DOCK8: variants seen among roughly 807,000 people sequenced by gnomAD.
DOCK8 encodes dedicator of cytokinesis 8.
Under a neutral mutation model 245.6 loss-of-function variants are expected in DOCK8, and 141 were observed. That is an observed-to-expected ratio of 0.57 (90% CI 0.50 to 0.66). DOCK8 has a LOEUF of 0.66. Among genes scored for constraint, DOCK8 ranks in the 30% least tolerant of loss-of-function variants. The pLI, the probability that DOCK8 is intolerant of heterozygous loss-of-function variation, is 0.00. For missense variants in DOCK8, 2,965 were observed against 2,603.4 expected (o/e 1.14, Z -3.02); for synonymous variants, 1,168 against 970.2 (o/e 1.20, Z -3.79).
At chr9:424,394 CTTTTCTTTTCTTTTTT>C (rs998286667) in intron 33 of DOCK8, among the ~76,000 whole-genome samples, 13 of 151,808 alleles carry the variant, frequency 8.6e-5, no homozygotes, top group Non-Finnish European at 1.3e-4. Flanking sequence ...AGATGGTAAG[CTTTTCTTTTCTTTTTT>C]TTTTCTTTTC....
chr9:305,957 T>G (rs1586654846), intron 5 of DOCK8, among the ~76,000 whole-genome samples: 1 of 152,100 alleles, frequency 6.6e-6, no homozygotes, highest in East Asian at 1.9e-4. Context: ...AGTTATTGTT[T>G]AATGGGTAGA....
intron 4 of DOCK8, among the ~76,000 whole-genome samples, chr9:294,306 A>G (rs2049166969): frequency 6.6e-6 from 1 of 152,240 alleles, no homozygotes; most frequent in Non-Finnish European, 1.5e-5. Context: ...GAGGGTAGAA[A>G]TGAAGCCAGT....
At chr9:251,063 G>A (rs765526493) in intron 1 of DOCK8, among the ~76,000 whole-genome samples, 7 of 152,220 alleles carry the variant, frequency 4.6e-5, no homozygotes, top group Non-Finnish European at 7.3e-5. Flanking sequence ...GACAGGGATT[G>A]TCCAGGTAAT....
At position 317,065 on chromosome 9, in the gene DOCK8, C is replaced by G. The variant is rs2130746973; in HGVS notation, c.764C>G (p.Pro255Arg). Reference protein sequence around the residue: ...VDEEDAVEIRPVPECPKEHLG... With the variant: ...VDEEDAVEIRRVPECPKEHLG... ...TAGGAGGATGCTGTGGAAATACGTC[C>G]AGTACCAGAATGTCCCAAGGAACAC... Residue 255 changes from proline (P) to arginine (R), a missense_variant, in exon 7 of 48, where the codon CCA (proline) becomes CGA (arginine). By Grantham distance (103) the Pro-to-Arg change is moderately radical (BLOSUM62 -2). This residue lies in a region of DOCK8 where 2,825 missense variants were observed against 2,453.5 expected (regional missense o/e 1.15). Coordinates refer to ENST00000432829, the MANE Select transcript of DOCK8 (RefSeq NM_203447.4). 6 of 1,613,840 alleles carry G rather than the reference C, an allele frequency of 3.7e-6. No homozygotes were observed. The East Asian group carries it at 1.3e-4, about 36-fold the overall frequency.
At chr9:234,141 C>G (rs564526431) in intron 1 of DOCK8, among the ~76,000 whole-genome samples, 1 of 152,276 alleles carries the variant, frequency 6.6e-6, no homozygotes, top group African/African-American at 2.4e-5. Context: ...GACTTTATTT[C>G]TCCTTCACTT....
chr9:304,174 G>A (rs1162369770), intron 4 of DOCK8, among the ~76,000 whole-genome samples: 3 of 152,150 alleles, frequency 2.0e-5, no homozygotes, highest in African/African-American at 7.2e-5. Context: ...GAACATTGAT[G>A]TGAAGATTAA....
chr9:246,162 T>C (rs1485426796), intron 1 of DOCK8, among the ~76,000 whole-genome samples: 2 of 151,514 alleles, frequency 1.3e-5, no homozygotes, highest in African/African-American at 4.9e-5. Context: ...GAGCTTGCAG[T>C]GACCTGAGAC....
chr9:268,852 T>G (rs1027658533), intron 1 of DOCK8, among the ~76,000 whole-genome samples: 1 of 152,206 alleles, frequency 6.6e-6, no homozygotes, highest in Non-Finnish European at 1.5e-5. Context: ...AGACACATTG[T>G]TGCTCATGCA....
upstream of DOCK8, chr9:213,327 C>T (rs1305684528): frequency 6.6e-6 from 1 of 151,980 alleles, no homozygotes; most frequent in Non-Finnish European, 1.5e-5. Context: ...TGAATATAGT[C>T]CTTAGGTGGA....
intron 44 of DOCK8, among the ~76,000 whole-genome samples, chr9:447,242 A>C (rs1423287855): frequency 6.6e-6 from 1 of 152,222 alleles, no homozygotes; most frequent in East Asian, 1.9e-4. Context: ...CAAACCACAG[A>C]ATTGTTCAAA....
chr9:316,579 T>C (rs988079609), intron 6 of DOCK8, among the ~76,000 whole-genome samples: 2 of 152,324 alleles, frequency 1.3e-5, no homozygotes, highest in Middle Eastern at 3.4e-3. Context: ...CTCTGTATTA[T>C]AGGATCAATG....
At chr9:361,649 G>T (rs1248750025) in intron 14 of DOCK8, among the ~76,000 whole-genome samples, 2 of 152,162 alleles carry the variant, frequency 1.3e-5, no homozygotes, top group East Asian at 1.9e-4. Context: ...TAAATTACAG[G>T]TGCTACTAAG....
chr9:402,135 C>T (rs546749542), intron 26 of DOCK8, among the ~76,000 whole-genome samples: 5 of 152,386 alleles, frequency 3.3e-5, no homozygotes, highest in South Asian at 4.1e-4. Flanking sequence ...TCATTCCCGA[C>T]AGGGAAATAA....
intron 30 of DOCK8, among the ~76,000 whole-genome samples, chr9:418,875 G>C (rs2056150193): frequency 6.8e-6 from 1 of 147,080 alleles, no homozygotes; most frequent in Admixed American, 6.9e-5. Context: ...AATTCATACA[G>C]TGTAATGCCT....
At chr9:353,687 A>G (rs1221075047) in intron 14 of DOCK8, among the ~76,000 whole-genome samples, 1 of 152,214 alleles carries the variant, frequency 6.6e-6, no homozygotes, top group Admixed American at 6.5e-5. Context: ...AAAAAAAAGA[A>G]AAATACAGCA....
intron 7 of DOCK8, among the ~76,000 whole-genome samples, chr9:317,754 G>A (rs2050409756): frequency 6.6e-6 from 1 of 152,112 alleles, no homozygotes; most frequent in Admixed American, 6.6e-5. Context: ...CAAATAAACA[G>A]GCCCATTTTT....
chr9:265,039 C>A (rs889229138), intron 1 of DOCK8, among the ~76,000 whole-genome samples: 3 of 152,206 alleles, frequency 2.0e-5, no homozygotes, highest in Non-Finnish European at 2.9e-5. Context: ...TCAAGCGATT[C>A]TCCTGCCTCA....
In DOCK8 at chr9:334,208, T is replaced by G. The variant is rs759693100; in HGVS notation, c.1126-17T>G. 2 of 1,614,152 alleles carry G rather than the reference T, an allele frequency of 1.2e-6. No individual in the cohort carries two copies. Among genetic ancestry groups the G allele is most frequent in the East Asian group, 4.5e-5 (2 of 44,870 alleles). ...GCTGATGCTTGTTTCAGCTTGTTTCTTTCCATTTTCCTCCAGAGTAAAGAA... is the reference window on the plus strand; with the variant it reads ...GCTGATGCTTGTTTCAGCTTGTTTCGTTCCATTTTCCTCCAGAGTAAAGAA... On this transcript the variant is annotated splice_polypyrimidine_tract_variant and intron_variant, in intron 10 of 47. Transcript: ENST00000432829.
At chr9:278,061 A>G (rs1487550735) in intron 2 of DOCK8, among the ~76,000 whole-genome samples, 3 of 152,248 alleles carry the variant, frequency 2.0e-5, no homozygotes, top group Non-Finnish European at 2.9e-5. Flanking sequence ...TGGAAGGGAC[A>G]TGACGGAAAA....
Sources: gnomAD v4.1 joint callset for allele counts (sites outside exome capture counted in the v4.1 genomes callset) on GRCh38, gnomAD v4.1.1 for gene constraint, gnomAD v4.1.1 regional missense constraint, MANE v1.5 for transcripts, NCBI Gene and HGNC (gene_info 2026-07-23, HGNC 2026-07-21) for gene names.